DPYD: variants seen among roughly 807,000 people sequenced by gnomAD.
DPYD encodes the protein dihydropyrimidine dehydrogenase [NADP(+)].
A neutral mutation model predicts 116.2 loss-of-function variants in DPYD; 109 were observed. The observed-to-expected ratio is 0.94, with a 90% CI of 0.80 to 1.10. The LOEUF (loss-of-function observed/expected upper bound fraction) is 1.10, where lower values mean the gene tolerates loss of function less well. DPYD is among the 50% of genes least tolerant of loss of function. DPYD has a pLI of 0.00. For synonymous variants in DPYD, 440 were observed against 432.0 expected (o/e 1.02, Z -0.23); for missense variants, 1,302 against 1,254.5 (o/e 1.04, Z -0.57).
chr1:97,326,560 C>A (rs1558033068), intron 16 of DPYD, among the ~76,000 whole-genome samples: 2 of 151,680 alleles, frequency 1.3e-5, no homozygotes, highest in Non-Finnish European at 1.5e-5. Context: ...GAGAGGAGAA[C>A]AACCAGGAAA....
intron 1 of DPYD, among the ~76,000 whole-genome samples, chr1:97,906,038 A>C (rs1442965365): frequency 6.6e-6 from 1 of 151,978 alleles, no homozygotes. Flanking sequence ...AAATGCTCTG[A>C]GTGCATAGAT....
At chr1:97,740,204 A>G (rs879555918) in intron 4 of DPYD, among the ~76,000 whole-genome samples, 188 bp downstream of exon 4, 4 of 152,128 alleles carry the variant, frequency 2.6e-5, no homozygotes, top group Non-Finnish European at 4.4e-5. Context: ...ATGAACCTGG[A>G]TTTTCATGAT....
intron 13 of DPYD, among the ~76,000 whole-genome samples, chr1:97,494,291 G>A (rs1679131793): frequency 6.6e-6 from 1 of 152,010 alleles, no homozygotes; most frequent in African/African-American, 2.4e-5. Context: ...CAAACTCCTG[G>A]GCTCAAGTGA....
chr1:97,508,638 A>G (rs911705285), intron 13 of DPYD, among the ~76,000 whole-genome samples: 1 of 152,026 alleles, frequency 6.6e-6, no homozygotes, highest in Non-Finnish European at 1.5e-5. Flanking sequence ...ACATGAGTGC[A>G]GTCAAACTGC....
intron 20 of DPYD, among the ~76,000 whole-genome samples, chr1:97,157,237 G>A (rs965230325): frequency 6.6e-6 from 1 of 151,754 alleles, no homozygotes; most frequent in Non-Finnish European, 1.5e-5. Context: ...TGCACATTGT[G>A]CACATGTACC....
chr1:97,586,733 A>C (rs1471466841), intron 10 of DPYD, among the ~76,000 whole-genome samples: 1 of 151,376 alleles, frequency 6.6e-6, no homozygotes, highest in Non-Finnish European at 1.5e-5. Flanking sequence ...TCACCATCTG[A>C]ATTATCACAT....
chr1:97,871,320 C>A lies in DPYD; in HGVS notation c.150+11944G>T, dbSNP rs186535094. 1.1e-4 allele frequency among the ~76,000 whole-genome samples: 17 copies of A among 151,918 alleles called. No individual in the cohort carries two copies. In the East Asian group the frequency reaches 3.3e-3, roughly 30 times the overall value. On this transcript the variant is annotated intron_variant, in intron 2 of 22. Transcript: ENST00000370192. ...ATCTTTTGGATCCCTTCTCAATATTCTTGGACTAATACGTAGTCTATAAGA... is the reference window on the plus strand; with the variant it reads ...ATCTTTTGGATCCCTTCTCAATATTATTGGACTAATACGTAGTCTATAAGA...
intron 2 of DPYD, chr1:97,856,495 G>A (rs1670853920): frequency 6.6e-6 from 1 of 152,204 alleles, no homozygotes; most frequent in South Asian, 2.1e-4. Context: ...CAGTTCTGTT[G>A]TGTGAGTGAA....
intron 20 of DPYD, among the ~76,000 whole-genome samples, chr1:97,147,501 T>C (rs1654712618): frequency 6.6e-6 from 1 of 152,036 alleles, no homozygotes; most frequent in Admixed American, 6.6e-5. Context: ...GAAAATAAGC[T>C]TTGGAAAAAA....
At chr1:97,117,817 G>C (rs1053800991) in intron 20 of DPYD, among the ~76,000 whole-genome samples, 1 of 152,090 alleles carries the variant, frequency 6.6e-6, no homozygotes, top group African/African-American at 2.4e-5. Context: ...CAATTAGCTA[G>C]TCAGATGTGA....
chr1:97,317,339 A>C (rs1287076280), intron 16 of DPYD, among the ~76,000 whole-genome samples: 3 of 151,968 alleles, frequency 2.0e-5, no homozygotes, highest in Non-Finnish European at 4.4e-5. Flanking sequence ...AGCTGAGCCA[A>C]AATGAACCCC....
intron 18 of DPYD, among the ~76,000 whole-genome samples, chr1:97,268,194 A>T (rs568058466): frequency 6.6e-6 from 1 of 152,094 alleles, no homozygotes; most frequent in African/African-American, 2.4e-5. Flanking sequence ...TTGGGCCCCT[A>T]GGGATTGGGC....
chr1:97,134,044 T>A lies in DPYD; in HGVS notation c.2623-35412A>T, dbSNP rs867754130. On this transcript the variant is annotated intron_variant, in intron 20 of 22. Transcript: ENST00000370192. ...ATATATATATATATATATATATATA[T>A]ATATATATATATATATATATATATT... 2.2e-3 allele frequency among the ~76,000 whole-genome samples: 130 copies of A among 59,756 alleles called. 4 individuals are homozygous for A. The highest frequency in any genetic ancestry group is 8.0e-3 in the African/African-American group (95 of 11,866). The allele number at this position is 59,756 out of a possible 152,430, so 39.2% of individuals were successfully genotyped here.
intron 2 of DPYD, among the ~76,000 whole-genome samples, chr1:97,878,661 C>T (rs1392456141): frequency 6.6e-6 from 1 of 151,946 alleles, no homozygotes; most frequent in Non-Finnish European, 1.5e-5. Flanking sequence ...AAACCCAGTC[C>T]CAGAGACCTT....
intron 19 of DPYD, among the ~76,000 whole-genome samples, chr1:97,213,945 T>G (rs967497142): frequency 6.6e-6 from 1 of 152,176 alleles, no homozygotes; most frequent in African/African-American, 2.4e-5. Context: ...GAAAGGCACA[T>G]GTGCCGTCTG....
intron 8 of DPYD, among the ~76,000 whole-genome samples, chr1:97,618,934 T>G (rs1656466712): frequency 6.6e-6 from 1 of 152,164 alleles, no homozygotes. Context: ...ACATCCAGGA[T>G]GCAATCTTGT....
intron 1 of DPYD, among the ~76,000 whole-genome samples, chr1:97,895,017 G>A (rs1235638527): frequency 6.6e-6 from 1 of 151,646 alleles, no homozygotes; most frequent in African/African-American, 2.4e-5. Context: ...AAAGTTGATA[G>A]GGATTATTAC....
intron 14 of DPYD, among the ~76,000 whole-genome samples, chr1:97,420,805 A>C (rs1421624617): frequency 6.6e-6 from 1 of 152,098 alleles, no homozygotes; most frequent in Non-Finnish European, 1.5e-5. Context: ...CACACGCTGA[A>C]CTTCTAGTCA....
chr1:97,869,970 C>A (rs777181330), intron 2 of DPYD, among the ~76,000 whole-genome samples: 1 of 151,896 alleles, frequency 6.6e-6, no homozygotes, highest in East Asian at 2.0e-4. Context: ...CATGCCCCAG[C>A]CACTGAACAT....
Sources: gnomAD v4.1 joint callset for allele counts (sites outside exome capture counted in the v4.1 genomes callset) on GRCh38, gnomAD v4.1.1 for gene constraint, MANE v1.5 for transcripts, NCBI Gene and HGNC (gene_info 2026-07-23, HGNC 2026-07-21) for gene names.